The following USH1C variants were observed in gnomAD, a reference collection of about 807,000 sequenced individuals.
USH1C encodes USH1 protein network component harmonin.
Under a neutral mutation model 119.3 loss-of-function variants are expected in USH1C, and 90 were observed. The ratio of observed to expected loss-of-function variants is 0.75; its 90% confidence interval spans 0.64 to 0.90. The LOEUF (loss-of-function observed/expected upper bound fraction) is 0.90, where lower values mean the gene tolerates loss of function less well. Among genes scored for constraint, USH1C ranks in the 40% least tolerant of loss-of-function variants. The probability of loss-of-function intolerance (pLI) is 0.00; values close to 1 mark genes in which losing one functional copy is unlikely to be tolerated. For missense variants in USH1C, 1,165 were observed against 1,167.7 expected (o/e 1.00, Z 0.03); for synonymous variants, 465 against 443.3 (o/e 1.05, Z -0.62).
intron 14 of USH1C, among the ~76,000 whole-genome samples, chr11:17,516,993 G>T (rs1224045733): frequency 6.6e-6 from 1 of 152,130 alleles, no homozygotes; most frequent in African/African-American, 2.4e-5. Flanking sequence ...CAAGAGCGAT[G>T]GCTGAATTAC....
chr11:17,528,345 C>A (rs1850804112), intron 4 of USH1C, among the ~76,000 whole-genome samples: 1 of 152,180 alleles, frequency 6.6e-6, no homozygotes, highest in South Asian at 2.1e-4. Flanking sequence ...CTCCAGGCAC[C>A]CCGGCCCTGG....
chr11:17,508,328 T>C (rs1374248903), intron 18 of USH1C, among the ~76,000 whole-genome samples: 1 of 152,202 alleles, frequency 6.6e-6, no homozygotes, highest in Admixed American at 6.5e-5. Context: ...TGCTGGCATC[T>C]GGCACTTTCT....
At chr11:17,519,628 A>T (rs1850324773) in intron 14 of USH1C, among the ~76,000 whole-genome samples, 1 of 152,150 alleles carries the variant, frequency 6.6e-6, no homozygotes, top group Admixed American at 6.5e-5. Context: ...TCTGTCTAAA[A>T]CAGCGATCAT....
rs981476315 is a variant in USH1C at position 17,523,519 on chromosome 11, C to T, written c.760-41G>A. 5 of 1,604,924 alleles carry T rather than the reference C, an allele frequency of 3.1e-6. No individual in the cohort carries two copies. The Admixed American group carries it at 8.3e-5, about 27-fold the overall frequency. ...AGAAAGATTAGTGTGTTTGCGCTAT[C>T]TGTACACTCGCTCATCTGCAGGACA... On this transcript the variant is annotated intron_variant, in intron 9 of 26. Coordinates refer to ENST00000005226, the MANE Select transcript of USH1C (RefSeq NM_153676.4).
intron 12 of USH1C, 129 bp from the exon 13 acceptor site, chr11:17,521,540 A>T: frequency 1.1e-6 from 1 of 936,046 alleles, no homozygotes; most frequent in Non-Finnish European, 1.7e-6. Context: ...GGCCTGGACC[A>T]GCTTTGGTTT....
intron 14 of USH1C, among the ~76,000 whole-genome samples, chr11:17,519,944 GC>G (rs1294268850): frequency 6.6e-6 from 1 of 152,108 alleles, no homozygotes; most frequent in Admixed American, 6.5e-5. Context: ...CCAAATGACT[GC>G]CCCACAGCAG....
At chr11:17,504,161 G>A (rs978864424) in intron 20 of USH1C, among the ~76,000 whole-genome samples, 1 of 152,200 alleles carries the variant, frequency 6.6e-6, no homozygotes, top group African/African-American at 2.4e-5. Context: ...GCACAGGAGT[G>A]CCCTAGGCAC....
chr11:17,494,671 T>C (rs1320601779), intron 26 of USH1C: 2 of 477,388 alleles, frequency 4.2e-6, no homozygotes, highest in African/African-American at 3.9e-5. Context: ...CATAGGGCCA[T>C]GCAGGCCACC....
chr11:17,514,797 CTT>C (rs57651457), intron 15 of USH1C, among the ~76,000 whole-genome samples: 2,602 of 138,928 alleles, frequency 0.019, 91 homozygotes, highest in African/African-American at 0.067. Context: ...AGAAGCAATT[CTT>C]TTTTTTTTTT....
At chr11:17,528,181 T>A (rs1377072746) in intron 4 of USH1C, among the ~76,000 whole-genome samples, 1 of 152,256 alleles carries the variant, frequency 6.6e-6, no homozygotes, top group Non-Finnish European at 1.5e-5. Flanking sequence ...ATGATTGCTA[T>A]TGTTATCATG....
chr11:17,528,155 A>C (rs1363666140), intron 4 of USH1C, among the ~76,000 whole-genome samples: 2 of 152,252 alleles, frequency 1.3e-5, no homozygotes, highest in African/African-American at 4.8e-5. Flanking sequence ...CCTGCCACAC[A>C]GTAAGCACTC....
intron 20 of USH1C, among the ~76,000 whole-genome samples, chr11:17,504,064 C>A (rs542002050): frequency 1.3e-4 from 20 of 152,256 alleles, no homozygotes; most frequent in African/African-American, 4.8e-4. Context: ...ATGGTTGGCT[C>A]CATGGAGGTA....
chr11:17,511,506 G>T (rs999252551), intron 16 of USH1C, among the ~76,000 whole-genome samples: 1 of 152,148 alleles, frequency 6.6e-6, no homozygotes, highest in Non-Finnish European at 1.5e-5. Flanking sequence ...GAGAGGCCCA[G>T]CCTTAGACTC....
At chr11:17,526,841 G>A (rs1850701692) in intron 6 of USH1C, 31 bp from the exon 7 acceptor site, 1 of 1,601,138 alleles carries the variant, frequency 6.2e-7, no homozygotes, top group Non-Finnish European at 8.5e-7. Context: ...ATGGGAGGGT[G>A]GTTAGCGAGA....
At chr11:17,496,298 C>T in intron 25 of USH1C, among the ~76,000 whole-genome samples, 1 of 152,154 alleles carries the variant, frequency 6.6e-6, no homozygotes, top group Non-Finnish European at 1.5e-5. Flanking sequence ...CCCTGGAGAT[C>T]CCACAGCGTG....
intron 1 of USH1C, among the ~76,000 whole-genome samples, 189 bp downstream of exon 1, chr11:17,544,083 C>T (rs531360094): frequency 6.6e-6 from 1 of 152,362 alleles, no homozygotes; most frequent in Non-Finnish European, 1.5e-5. Context: ...AGCCGGGAGT[C>T]CCCGCATTCC....
rs1487435852 is a variant in USH1C at position 17,499,902 on chromosome 11, G to C, written c.2380+1149C>G. Among the ~76,000 whole-genome samples, 4 of 152,158 alleles carry C rather than the reference G, an allele frequency of 2.6e-5. No homozygotes were observed. The East Asian group carries it at 7.7e-4, about 29-fold the overall frequency. ...ATGGTACAGCCTGGCTCCAGCCTAGGACTGCCTGGAAGGGATCTGCTCATA... is the reference window on the plus strand; with the variant it reads ...ATGGTACAGCCTGGCTCCAGCCTAGCACTGCCTGGAAGGGATCTGCTCATA... On this transcript the variant is annotated intron_variant, in intron 23 of 26. Coordinates refer to ENST00000005226, the MANE Select transcript of USH1C (RefSeq NM_153676.4).
intron 1 of USH1C, among the ~76,000 whole-genome samples, chr11:17,536,755 C>T (rs776793815): frequency 1.2e-4 from 18 of 152,248 alleles, no homozygotes; most frequent in Admixed American, 7.8e-4. Flanking sequence ...TCCCCTGACA[C>T]ACTGGAATCT....
chr11:17,510,284 A>T lies in USH1C; in HGVS notation c.1530+121T>A, dbSNP rs733874. ...TGGGGTGGTAGGGGTGGGCCTGGAC[A>T]GTGGATGGGCACTGTGAGGCTAGTG... is the stretch of plus-strand genomic sequence containing the variant. On this transcript the variant is annotated intron_variant, in intron 17 of 26. Coordinates refer to ENST00000005226, the MANE Select transcript of USH1C (RefSeq NM_153676.4). The T allele has an allele frequency of 0.55, 434,334 of 796,668 alleles. 121,349 individuals carry two copies. Among genetic ancestry groups the T allele is most frequent in the East Asian group, 0.63 (23,940 of 38,070 alleles). The allele number at this position is 796,668 out of a possible 1,614,324, so 49.3% of individuals were successfully genotyped here.
Sources: gnomAD v4.1 joint callset for allele counts (sites outside exome capture counted in the v4.1 genomes callset) on GRCh38, gnomAD v4.1.1 for gene constraint, MANE v1.5 for transcripts, NCBI Gene and HGNC (gene_info 2026-07-23, HGNC 2026-07-21) for gene names.